MACROH2A1: variants seen among roughly 807,000 people sequenced by gnomAD.
The protein encoded by MACROH2A1 is core histone macro-H2A.1.
A neutral mutation model predicts 31.6 loss-of-function variants in MACROH2A1; 2 were observed. The ratio of observed to expected loss-of-function variants is 0.06; its 90% CI spans 0.03 to 0.20. The LOEUF (loss-of-function observed/expected upper bound fraction) is 0.20, where lower values mean the gene tolerates loss of function less well. Ranked by LOEUF, MACROH2A1 falls within the 10% of genes least tolerant of loss-of-function variation. MACROH2A1 has a pLI of 1.00. For missense variants in MACROH2A1, 230 were observed against 474.0 expected (o/e 0.49, Z 4.78); for synonymous variants, 169 against 189.6 (o/e 0.89, Z 0.89).
At chr5:135,365,330 A>T (rs1456825495) in intron 4 of MACROH2A1, among the ~76,000 whole-genome samples, 2 of 151,088 alleles carry the variant, frequency 1.3e-5, no homozygotes, top group Admixed American at 1.3e-4. Context: ...CCTACTTGCC[A>T]TTCCTCTGCC....
chr5:135,366,708 G>A (rs981483110), intron 4 of MACROH2A1, among the ~76,000 whole-genome samples: 1 of 152,270 alleles, frequency 6.6e-6, no homozygotes, highest in South Asian at 2.1e-4. Context: ...AGTAGGGTGA[G>A]GGACTACAGT....
At chr5:135,389,256 T>G (rs1000631820) in intron 1 of MACROH2A1, 130 bp from the exon 2 acceptor site, 1 of 528,616 alleles carries the variant, frequency 1.9e-6, no homozygotes, top group East Asian at 3.1e-5. Context: ...TGCAGGGCCC[T>G]CCGGGTCCAG....
At chr5:135,378,852 G>A (rs750703304) in intron 2 of MACROH2A1, among the ~76,000 whole-genome samples, 1 of 152,030 alleles carries the variant, frequency 6.6e-6, no homozygotes, top group Non-Finnish European at 1.5e-5. Context: ...CACTTCCCCC[G>A]AAGTCCCTAA....
chr5:135,361,158 C>T (rs1031962054), intron 4 of MACROH2A1: 1 of 192,242 alleles, frequency 5.2e-6, no homozygotes, highest in African/African-American at 2.4e-5. Context: ...GACCCCTTGA[C>T]CCATGGTTCT....
chr5:135,367,841 G>T (rs973010969), intron 4 of MACROH2A1, among the ~76,000 whole-genome samples: 2 of 152,188 alleles, frequency 1.3e-5, no homozygotes, highest in Non-Finnish European at 2.9e-5. Flanking sequence ...TTTAGAAAGG[G>T]TTGCACAAGC....
intron 5 of MACROH2A1, chr5:135,353,900 G>A (rs947128141): frequency 6.6e-6 from 1 of 152,206 alleles, no homozygotes; most frequent in Non-Finnish European, 1.5e-5. Context: ...TCGAAATTCT[G>A]TCAGAGGGGC....
At chr5:135,345,898 T>C in intron 7 of MACROH2A1, 70 bp downstream of exon 7, 1 of 1,008,174 alleles carries the variant, frequency 9.9e-7, no homozygotes, top group Non-Finnish European at 1.6e-6. Flanking sequence ...TTCTAAGCCC[T>C]CTCACAAAAT....
chr5:135,355,156 T>C (rs927913076), intron 5 of MACROH2A1: 4 of 455,994 alleles, frequency 8.8e-6, no homozygotes, highest in Non-Finnish European at 1.8e-5. Flanking sequence ...TATCTGACTC[T>C]CTTCGCGGGA....
chr5:135,343,509 A>G, intron 7 of MACROH2A1, 75 bp from the exon 8 acceptor site: 1 of 1,580,258 alleles, frequency 6.3e-7, no homozygotes, highest in Non-Finnish European at 8.6e-7. Context: ...ACACAGACCC[A>G]CTCCCCTGCC....
chr5:135,357,793 A>T, intron 5 of MACROH2A1: 3 of 980,424 alleles, frequency 3.1e-6, no homozygotes, highest in Non-Finnish European at 3.6e-6. Context: ...AAAATCAGAG[A>T]GTAATGGCTA....
At chr5:135,337,938 C>T (rs1190462986) in intron 8 of MACROH2A1, 7 of 1,168,502 alleles carry the variant, frequency 6.0e-6, no homozygotes, top group Admixed American at 3.3e-5. Context: ...TAGGAAGCTA[C>T]AGCCTAAGGA....
intron 2 of MACROH2A1, among the ~76,000 whole-genome samples, chr5:135,381,351 C>G (rs1245899838): frequency 1.3e-5 from 2 of 151,844 alleles, no homozygotes; most frequent in African/African-American, 2.4e-5. Flanking sequence ...GAAATAGATG[C>G]AAAGACTCCA....
At chr5:135,339,992 G>A (rs1172499765) in intron 8 of MACROH2A1, among the ~76,000 whole-genome samples, 1 of 152,232 alleles carries the variant, frequency 6.6e-6, no homozygotes. Flanking sequence ...TGCTTAGGAG[G>A]GGAAAGAGGC....
chr5:135,358,513 T>A (rs1398806686), intron 5 of MACROH2A1: 6 of 985,302 alleles, frequency 6.1e-6, no homozygotes, highest in Non-Finnish European at 6.0e-6. Flanking sequence ...GGGGGTGATA[T>A]GGGAAAGAAG....
At chr5:135,380,337 C>A (rs1156760214) in intron 2 of MACROH2A1, among the ~76,000 whole-genome samples, 1 of 152,118 alleles carries the variant, frequency 6.6e-6, no homozygotes, top group Non-Finnish European at 1.5e-5. Context: ...TTCTTTTGAC[C>A]CCAGCACCCC....
intron 2 of MACROH2A1, among the ~76,000 whole-genome samples, chr5:135,385,825 T>G (rs1274139438): frequency 1.3e-5 from 2 of 152,198 alleles, no homozygotes; most frequent in African/African-American, 4.8e-5. Flanking sequence ...TGCAACACTT[T>G]CAGTCTCTAA....
intron 4 of MACROH2A1, among the ~76,000 whole-genome samples, chr5:135,364,961 G>A (rs1046032473): frequency 6.6e-6 from 1 of 152,200 alleles, no homozygotes; most frequent in Non-Finnish European, 1.5e-5. Context: ...GATCTAGGAG[G>A]GTAGTTTTCA....
At chr5:135,350,537 C>A (rs1014313063) in intron 6 of MACROH2A1, among the ~76,000 whole-genome samples, 1 of 152,164 alleles carries the variant, frequency 6.6e-6, no homozygotes, top group Admixed American at 6.5e-5. Context: ...TGAACCCAGT[C>A]TCCAACAAAG....
chr5:135,389,288 G>A, intron 1 of MACROH2A1, 162 bp from the exon 2 acceptor site: 2 of 436,848 alleles, frequency 4.6e-6, no homozygotes, highest in Non-Finnish European at 8.1e-6. Context: ...CGCTGGAGCA[G>A]TTTGATCCCT....
Sources: allele counts gnomAD v4.1 joint callset (sites outside exome capture counted in the v4.1 genomes callset), GRCh38; gene constraint gnomAD v4.1.1; transcripts MANE v1.5; gene names NCBI Gene and HGNC (gene_info 2026-07-23, HGNC 2026-07-21).